The following TRPC3 variants were observed in gnomAD, a reference collection of about 807,000 sequenced individuals.
TRPC3 encodes transient receptor potential cation channel subfamily C member 3, also known as short transient receptor potential channel 3.
TRPC3 carries 54 observed loss-of-function variants against 90.9 expected under a neutral mutation model. The observed-to-expected ratio is 0.59, with a 90% CI of 0.48 to 0.75. The LOEUF (loss-of-function observed/expected upper bound fraction) is 0.75, where lower values mean the gene tolerates loss of function less well. Among genes scored for constraint, TRPC3 ranks in the 30% least tolerant of loss-of-function variants. TRPC3 has a pLI of 0.00. For missense variants in TRPC3, 918 were observed against 1,194.5 expected (o/e 0.77, Z 3.41); for synonymous variants, 424 against 450.9 (o/e 0.94, Z 0.75).
At chr4:121,889,722 G>T (rs1484510158) in intron 10 of TRPC3, among the ~76,000 whole-genome samples, 1 of 151,984 alleles carries the variant, frequency 6.6e-6, no homozygotes, top group Non-Finnish European at 1.5e-5. Context: ...CTACTACTGG[G>T]TATATATCCA....
chr4:121,915,599 A>G (rs1246575417), intron 3 of TRPC3, among the ~76,000 whole-genome samples: 1 of 152,242 alleles, frequency 6.6e-6, no homozygotes, highest in East Asian at 1.9e-4. Context: ...TCAAAAGGTC[A>G]AAAGAACATG....
At position 121,877,468 on chromosome 4, in the gene TRPC3, G is replaced by A. The variant is rs923978244; in HGVS notation, c.*2268C>T. On this transcript the variant is annotated 3_prime_UTR_variant, in exon 12 of 12. Transcript: ENST00000379645. ...ACCCATCAGTCACTGGCCATGGGGA[G>A]GCGGAGGCATCACATCCCGAGCAAG... Among the ~76,000 whole-genome samples the A allele has an allele frequency of 6.6e-6, 1 of 152,146 alleles. No individual in the cohort carries two copies. The highest frequency in any genetic ancestry group is 2.4e-5 in the African/African-American group (1 of 41,434).
intron 1 of TRPC3, among the ~76,000 whole-genome samples, chr4:121,947,343 T>C (rs999650579): frequency 3.3e-5 from 5 of 151,932 alleles, no homozygotes; most frequent in African/African-American, 9.7e-5. Context: ...GTCCCTAAGA[T>C]TCAACAATCA....
Position 121,910,235 on chromosome 4 carries a change from G to T in TRPC3, c.1711C>A (p.Gln571Lys), listed in dbSNP as rs138022780. The change falls in exon 6 of 12, where the codon CAA becomes AAA. Residue 571 changes from glutamine (Q) to lysine (K), a missense_variant. By Grantham distance (53) the Gln-to-Lys change is moderately conservative. This residue lies in a region of TRPC3 where 147 missense variants were observed against 263.5 expected (regional missense o/e 0.56). Transcript: ENST00000379645. ...TGGACGTAACTGTCCACATACTGTT[G>T]TGCCTTCGTTGCCTGAAGGAAAGCT... ...FLAFLQATKA[Q>K]QYVDSYVQES... The T allele has an allele frequency of 1.9e-6, 3 of 1,613,788 alleles. No homozygotes were observed. The highest frequency in any genetic ancestry group is 2.5e-6 in the Non-Finnish European group (3 of 1,179,814).
chr4:121,913,742 T>G (rs993309552), intron 4 of TRPC3, among the ~76,000 whole-genome samples: 3 of 152,230 alleles, frequency 2.0e-5, no homozygotes, highest in African/African-American at 7.2e-5. Context: ...CCATGATACA[T>G]AACAAAAGAA....
chr4:121,920,432 G>A (rs1729461631), intron 3 of TRPC3, among the ~76,000 whole-genome samples: 1 of 152,042 alleles, frequency 6.6e-6, no homozygotes, highest in African/African-American at 2.4e-5. Context: ...GCTGAGGCAG[G>A]AAAATTGCTT....
Position 121,902,991 on chromosome 4 carries a change from GT to G in TRPC3, c.2323del (p.Thr775HisfsTer8). 1 of 1,613,428 alleles carries G rather than the reference GT, an allele frequency of 6.2e-7. No individual in the cohort carries two copies. Among genetic ancestry groups the G allele is most frequent in the Non-Finnish European group, 8.5e-7 (1 of 1,179,724 alleles). ...LWLSYFDDGK[T>X]LPPPFSLVPS... ...AACTAGACTGAAAGGTGGAGGTAAT[GT>G]TTTTCCATCATCAAAATAGGATAAC... On this transcript the variant is annotated frameshift_variant, in exon 9 of 12. Transcript: ENST00000379645. LOFTEE classifies it high-confidence loss of function.
At chr4:121,893,714 C>T (rs1294559717) in intron 10 of TRPC3, among the ~76,000 whole-genome samples, 1 of 151,986 alleles carries the variant, frequency 6.6e-6, no homozygotes, top group Non-Finnish European at 1.5e-5. Context: ...CACACAATAA[C>T]CTGGTAAAAA....
chr4:121,950,686 GA>G (rs1276767851), intron 1 of TRPC3: 1 of 152,248 alleles, frequency 6.6e-6, no homozygotes, highest in Non-Finnish European at 1.5e-5. Flanking sequence ...GAGAGGGAAA[GA>G]AAGAAAGAGA....
At chr4:121,924,053 A>G (rs1729619130) in intron 3 of TRPC3, among the ~76,000 whole-genome samples, 1 of 151,752 alleles carries the variant, frequency 6.6e-6, no homozygotes, top group Non-Finnish European at 1.5e-5. Context: ...GTTTTTCTGC[A>G]ATAATCAGAG....
chr4:121,904,186 G>A (rs577583025), intron 8 of TRPC3, 136 bp downstream of exon 8: 2 of 692,308 alleles, frequency 2.9e-6, no homozygotes, highest in Non-Finnish European at 4.5e-6. Flanking sequence ...GAAAACACAG[G>A]GAAAGGCTCA....
chr4:121,952,013 C>G lies in TRPC3; in HGVS notation c.-333G>C, dbSNP rs111866668. Among the ~76,000 whole-genome samples, 2,129 of 146,538 alleles carry G rather than the reference C, an allele frequency of 0.015. 46 individuals carry two copies. Among genetic ancestry groups the G allele is most frequent in the African/African-American group, 0.049 (1,994 of 40,394 alleles). On this transcript the variant is annotated 5_prime_UTR_variant, in exon 1 of 12. Transcript: ENST00000379645. ...GCGGCGGCGATGCCTCCTCGGCGCC[C>G]GTCTCCTGTCTCCGACAGCATCACT...
chr4:121,944,556 C>T (rs886891495), intron 1 of TRPC3, among the ~76,000 whole-genome samples: 3 of 152,066 alleles, frequency 2.0e-5, no homozygotes, highest in African/African-American at 7.2e-5. Context: ...AATGAAAAAT[C>T]CTTAAAATTC....
intron 10 of TRPC3, among the ~76,000 whole-genome samples, chr4:121,887,196 T>C (rs1410637456): frequency 3.3e-5 from 5 of 152,218 alleles, no homozygotes; most frequent in Admixed American, 2.6e-4. Flanking sequence ...CTCTGAGCTA[T>C]TTTTGTTTTC....
At chr4:121,907,184 G>GTTTT (rs1728909615) in intron 7 of TRPC3, 119 bp downstream of exon 7, 1 of 970,334 alleles carries the variant, frequency 1.0e-6, no homozygotes, top group East Asian at 2.4e-5. Context: ...TGTTTTTGAT[G>GTTTT]GATTATTTTC....
chr4:121,916,349 G>C (rs1416813083), intron 3 of TRPC3, among the ~76,000 whole-genome samples: 1 of 152,160 alleles, frequency 6.6e-6, no homozygotes, highest in African/African-American at 2.4e-5. Flanking sequence ...TCCACTGATG[G>C]CTGCACTGGC....
intron 10 of TRPC3, among the ~76,000 whole-genome samples, chr4:121,884,042 C>T (rs1257649279): frequency 6.6e-6 from 1 of 152,092 alleles, no homozygotes; most frequent in South Asian, 2.1e-4. Context: ...CAAATATTAA[C>T]AAGAATAGAC....
chr4:121,899,223 G>A (rs1226009800), intron 10 of TRPC3, among the ~76,000 whole-genome samples: 1 of 151,998 alleles, frequency 6.6e-6, no homozygotes, highest in Admixed American at 6.6e-5. Flanking sequence ...AAAACCTAGA[G>A]AAAAAACAAG....
chr4:121,938,046 T>G (rs1730190001), intron 1 of TRPC3, among the ~76,000 whole-genome samples: 1 of 151,718 alleles, frequency 6.6e-6, no homozygotes, highest in Non-Finnish European at 1.5e-5. Context: ...CCCAGAGTAT[T>G]AAGAAATACC....
Sources: allele counts gnomAD v4.1 joint callset (sites outside exome capture counted in the v4.1 genomes callset), GRCh38; gene constraint gnomAD v4.1.1; regional missense constraint gnomAD v4.1.1; transcripts MANE v1.5; gene names NCBI Gene and HGNC (gene_info 2026-07-23, HGNC 2026-07-21).